Variants in LMO7 observed in about 807,000 individuals in gnomAD.
The protein encoded by LMO7 is LIM domain 7.
A neutral mutation model predicts 206.5 loss-of-function variants in LMO7; 120 were observed. The ratio of observed to expected loss-of-function variants is 0.58; its 90% CI spans 0.50 to 0.68. LMO7 has a LOEUF of 0.68. LMO7 is among the 30% of genes least tolerant of loss of function. The pLI is 0.00. For missense variants in LMO7, 1,959 were observed against 1,957.9 expected (o/e 1.00, Z -0.01); for synonymous variants, 706 against 681.5 (o/e 1.04, Z -0.56).
chr13:75,716,990 C>T (rs1194786108), intron 2 of LMO7, among the ~76,000 whole-genome samples: 1 of 151,306 alleles, frequency 6.6e-6, no homozygotes, highest in Non-Finnish European at 1.5e-5. Flanking sequence ...CCTCCCATCC[C>T]TGGAATGATC....
At chr13:75,781,504 C>A (rs1224584553) in intron 4 of LMO7, among the ~76,000 whole-genome samples, 37 of 151,936 alleles carry the variant, frequency 2.4e-4, no homozygotes, top group African/African-American at 8.7e-4. Flanking sequence ...ATATGTGACA[C>A]ATTTTCTTAA....
At chr13:75,818,113 TA>T (rs2057233028) in intron 12 of LMO7, among the ~76,000 whole-genome samples, 1 of 152,244 alleles carries the variant, frequency 6.6e-6, no homozygotes, top group Non-Finnish European at 1.5e-5. Context: ...GTGCCTCTTT[TA>T]ATTGGGAACT....
chr13:75,821,065 T>A (rs899097677), intron 13 of LMO7, 112 bp from the exon 14 acceptor site: 1 of 730,356 alleles, frequency 1.4e-6, no homozygotes, highest in East Asian at 2.6e-5. Context: ...GATTCTTGTG[T>A]GAAGTTAGCA....
chr13:75,673,172 T>C (rs2039734211), intron 1 of LMO7, among the ~76,000 whole-genome samples: 1 of 152,256 alleles, frequency 6.6e-6, no homozygotes, highest in Non-Finnish European at 1.5e-5. Flanking sequence ...TTGAGAAGTC[T>C]TAGGATTTGT....
intron 25 of LMO7, among the ~76,000 whole-genome samples, 198 bp downstream of exon 25, chr13:75,843,114 A>G (rs1305617099): frequency 6.6e-6 from 1 of 152,142 alleles, no homozygotes; most frequent in Non-Finnish European, 1.5e-5. Flanking sequence ...TTAGCTTATG[A>G]TTTTATGGTC....
exon 1 of LMO7, chr13:75,621,858 C>T: frequency 1.3e-6 from 2 of 1,586,966 alleles, no homozygotes; most frequent in South Asian, 1.2e-5. Context: ...ACAGAGTCTG[C>T]AGCAAAAAAG....
At chr13:75,723,751 A>G (rs1323710) in intron 2 of LMO7, among the ~76,000 whole-genome samples, 80,594 of 152,008 alleles carry the variant, frequency 0.53, 22,616 homozygotes, top group African/African-American at 0.72. Context: ...ATTTGAAAGT[A>G]AGGGAGGGGA....
At chr13:75,753,168 T>C (rs900122145) in intron 3 of LMO7, among the ~76,000 whole-genome samples, 4 of 152,232 alleles carry the variant, frequency 2.6e-5, no homozygotes, top group African/African-American at 9.6e-5. Context: ...TTTGCATTTC[T>C]CTGACTAGTA....
Position 75,807,989 on chromosome 13 carries a change from A to G in LMO7, c.1706A>G (p.Glu569Gly). 1 of 1,613,896 alleles carries G rather than the reference A, an allele frequency of 6.2e-7. No homozygotes were observed. Among genetic ancestry groups the G allele is most frequent in the Non-Finnish European group, 8.5e-7 (1 of 1,179,836 alleles). Reference protein sequence around the residue: ...CVLERTCPSKEKSNSCRILVP... With the variant: ...CVLERTCPSKGKSNSCRILVP... ...CTTGAAAGGACATGCCCATCCAAAG[A>G]AAAAAGTAATAGCTGTAGAATATTA... The change falls in exon 10 of 31, where the codon GAA becomes GGA. Residue 569 changes from glutamate to glycine, a missense_variant. By Grantham distance (98) the Glu-to-Gly change is moderately conservative. Coordinates refer to ENST00000377534, the MANE Select transcript of LMO7 (RefSeq NM_001306080.2).
intron 1 of LMO7, among the ~76,000 whole-genome samples, chr13:75,671,378 C>G (rs2039565502): frequency 6.6e-6 from 1 of 152,178 alleles, no homozygotes; most frequent in East Asian, 1.9e-4. Context: ...ACACATAATG[C>G]ATTGCACTAT....
chr13:75,631,284 A>G (rs2034907523), intron 2 of LMO7: 1 of 152,232 alleles, frequency 6.6e-6, no homozygotes, highest in African/African-American at 2.4e-5. Context: ...GGCCTCCCAA[A>G]GTGCTGGGAT....
chr13:75,729,814 T>G (rs2044935851), intron 3 of LMO7, among the ~76,000 whole-genome samples: 2 of 150,716 alleles, frequency 1.3e-5, no homozygotes, highest in South Asian at 4.2e-4. Flanking sequence ...CAATACCTAA[T>G]TTATTGAGAG....
chr13:75,700,590 T>C (rs192875712), intron 1 of LMO7, among the ~76,000 whole-genome samples: 121 of 152,360 alleles, frequency 7.9e-4, no homozygotes, highest in African/African-American at 2.8e-3. Flanking sequence ...ATAGCTTCTC[T>C]TTGGCATTTT....
At chr13:75,735,501 C>T (rs34545980) in intron 3 of LMO7, among the ~76,000 whole-genome samples, 8 of 152,120 alleles carry the variant, frequency 5.3e-5, no homozygotes, top group South Asian at 2.1e-4. Flanking sequence ...CTCACTCTGT[C>T]GCTGGGCTGG....
intron 2 of LMO7, chr13:75,631,305 A>C (rs1330782532): frequency 6.6e-6 from 1 of 152,334 alleles, no homozygotes; most frequent in East Asian, 1.9e-4. Flanking sequence ...TACAGGTGTG[A>C]GCCACCGCAA....
rs117038027 is a variant in LMO7 at position 75,752,844 on chromosome 13, T to G, written c.211-8088T>G. The stretch of plus-strand genomic sequence containing the variant: ...TATCCAGTCCTTCATTGATGGACAC[T>G]TAGGTTGATTCCATATCTTTGCTAT... On this transcript the variant is annotated intron_variant, in intron 3 of 30. Transcript: ENST00000377534. 1.4e-3 allele frequency among the ~76,000 whole-genome samples: 209 copies of G among 152,358 alleles called. 3 individuals carry two copies. Among genetic ancestry groups the G allele is most frequent in the Non-Finnish European group, 2.0e-3 (136 of 68,038 alleles).
intron 2 of LMO7, among the ~76,000 whole-genome samples, chr13:75,726,526 G>A (rs189075072): frequency 1.8e-4 from 28 of 152,064 alleles, no homozygotes; most frequent in African/African-American, 6.3e-4. Context: ...ACTTGAATGA[G>A]TTACCAATAA....
chr13:75,739,966 C>A (rs1448399972), intron 3 of LMO7, among the ~76,000 whole-genome samples: 1 of 152,060 alleles, frequency 6.6e-6, no homozygotes, highest in East Asian at 1.9e-4. Context: ...GGGAAAAAGC[C>A]CACTTCTCTT....
At chr13:75,721,161 C>A (rs2043988272) in intron 2 of LMO7, among the ~76,000 whole-genome samples, 1 of 152,072 alleles carries the variant, frequency 6.6e-6, no homozygotes, top group African/African-American at 2.4e-5. Flanking sequence ...CAAAAAAATA[C>A]TAGGGAGGAG....
Sources: gnomAD v4.1 joint callset for allele counts (sites outside exome capture counted in the v4.1 genomes callset) on GRCh38, gnomAD v4.1.1 for gene constraint, MANE v1.5 for transcripts, NCBI Gene and HGNC (gene_info 2026-07-23, HGNC 2026-07-21) for gene names.